RARB: variants seen among roughly 807,000 people sequenced by gnomAD.
RARB encodes the protein HBV-activated protein.
RARB carries 17 observed loss-of-function variants against 51.9 expected under a neutral mutation model. The observed-to-expected ratio is 0.33, with a 90% confidence interval of 0.22 to 0.49. RARB has a LOEUF of 0.49. RARB is among the 20% of genes least tolerant of loss of function. The probability of loss-of-function intolerance (pLI) is 0.99; values close to 1 mark genes in which losing one functional copy is unlikely to be tolerated. For missense variants in RARB, 369 were observed against 550.8 expected (o/e 0.67, Z 3.30); for synonymous variants, 215 against 195.4 (o/e 1.10, Z -0.84).
intron 5 of RARB, among the ~76,000 whole-genome samples, chr3:25,228,603 TA>T (rs1702109348): frequency 6.6e-6 from 1 of 152,134 alleles, no homozygotes; most frequent in African/African-American, 2.4e-5. Context: ...TAGTCCTTTT[TA>T]TTTCCCATTC....
At chr3:25,293,309 G>C (rs1427295178) in intron 5 of RARB, among the ~76,000 whole-genome samples, 1 of 152,054 alleles carries the variant, frequency 6.6e-6, no homozygotes, top group Non-Finnish European at 1.5e-5. Flanking sequence ...ACTCAGTTTT[G>C]TCATTTGTAA....
intron 1 of RARB, among the ~76,000 whole-genome samples, chr3:25,455,966 A>G (rs1387716714): frequency 2.0e-5 from 3 of 152,206 alleles, no homozygotes; most frequent in Non-Finnish European, 4.4e-5. Context: ...GCTGCAGTGT[A>G]GTTGTTTTAT....
At chr3:25,040,987 G>A (rs1027778603) in intron 2 of RARB, among the ~76,000 whole-genome samples, 1 of 152,190 alleles carries the variant, frequency 6.6e-6, no homozygotes. Context: ...CTGTATCAAC[G>A]GAAATCCACC....
intron 5 of RARB, among the ~76,000 whole-genome samples, chr3:25,412,426 T>C (rs1177889914): frequency 6.6e-6 from 1 of 152,178 alleles, no homozygotes; most frequent in Non-Finnish European, 1.5e-5. Context: ...AGTTCTATGG[T>C]GACTCACAGC....
intron 5 of RARB, among the ~76,000 whole-genome samples, chr3:25,330,208 A>G (rs921659213): frequency 5.9e-5 from 9 of 152,120 alleles, no homozygotes; most frequent in Non-Finnish European, 1.2e-4. Flanking sequence ...CAAGACACAT[A>G]ATTGTCAGAT....
At chr3:25,241,656 T>C (rs1292816878) in intron 5 of RARB, among the ~76,000 whole-genome samples, 3 of 152,246 alleles carry the variant, frequency 2.0e-5, no homozygotes, top group Non-Finnish European at 2.9e-5. Flanking sequence ...CATTCTTTTT[T>C]ATGGCTGTAT....
intron 5 of RARB, among the ~76,000 whole-genome samples, chr3:25,255,909 T>C (rs1025670456): frequency 3.3e-5 from 5 of 152,176 alleles, no homozygotes; most frequent in Non-Finnish European, 7.4e-5. Context: ...TGAAATGCTT[T>C]AATAATGTTT....
At chr3:25,093,489 T>C (rs1699237921) in intron 3 of RARB, among the ~76,000 whole-genome samples, 1 of 40,392 alleles carries the variant, frequency 2.5e-5, no homozygotes, top group South Asian at 3.9e-4. Context: ...TACATAATAA[T>C]AGCCCTTCCC....
chr3:25,331,815 A>G (rs1278865373), intron 5 of RARB, among the ~76,000 whole-genome samples: 1 of 152,232 alleles, frequency 6.6e-6, no homozygotes, highest in African/African-American at 2.4e-5. Flanking sequence ...AGAATCAAAT[A>G]GACACAATAA....
chr3:25,172,131 C>T (rs1271909263), intron 4 of RARB, among the ~76,000 whole-genome samples: 4 of 152,164 alleles, frequency 2.6e-5, no homozygotes, highest in Admixed American at 6.5e-5. Context: ...TATGGTCTCA[C>T]TGTTGACACT....
intron 3 of RARB, among the ~76,000 whole-genome samples, chr3:25,504,431 AGCAGGGCATTGCTTTGG>A (rs1017347180): frequency 2.6e-5 from 4 of 152,162 alleles, no homozygotes; most frequent in African/African-American, 9.7e-5. Flanking sequence ...CATTGCTTTG[AGCAGGGCATTGCTTTGG>A]GCAGGGGATA....
At chr3:25,227,673 T>C (rs1299739049) in intron 5 of RARB, among the ~76,000 whole-genome samples, 1 of 152,182 alleles carries the variant, frequency 6.6e-6, no homozygotes, top group African/African-American at 2.4e-5. Context: ...TATGAATGTT[T>C]ATGGCATTTA....
chr3:25,151,666 C>G (rs1351140226), intron 4 of RARB, among the ~76,000 whole-genome samples: 1 of 152,220 alleles, frequency 6.6e-6, no homozygotes. Flanking sequence ...ATGTGCCAGT[C>G]TGTTTCCTGT....
chr3:25,483,448 T>C (rs1431051061), intron 2 of RARB, among the ~76,000 whole-genome samples: 2 of 152,108 alleles, frequency 1.3e-5, no homozygotes, highest in African/African-American at 4.8e-5. Context: ...GTGATTCCAT[T>C]TGAGTGACTT....
intron 2 of RARB, among the ~76,000 whole-genome samples, chr3:25,495,686 G>T (rs375949947): frequency 1.3e-5 from 2 of 152,156 alleles, no homozygotes; most frequent in African/African-American, 4.8e-5. Flanking sequence ...AAAAATCCAC[G>T]GTTAGAAAAT....
rs61214774 is a variant in RARB at position 25,561,154 on chromosome 3, C to T, written c.449-8604C>T. Reference sequence around the variant, plus strand: ...TTTATCCCAGGGTCCTTCCATTTGTCCATTGTTTCTTTCATATTATTTAAG... The same window carrying T: ...TTTATCCCAGGGTCCTTCCATTTGTTCATTGTTTCTTTCATATTATTTAAG... On this transcript the variant is annotated intron_variant, in intron 3 of 7. Coordinates refer to ENST00000330688, the MANE Select transcript of RARB (RefSeq NM_000965.5). Among the ~76,000 whole-genome samples the T allele has an allele frequency of 8.7e-4, 132 of 152,176 alleles. 2 individuals are homozygous for T. The highest frequency in any genetic ancestry group is 2.7e-3 in the African/African-American group (114 of 41,506).
intron 3 of RARB, among the ~76,000 whole-genome samples, chr3:25,544,464 C>T (rs1400951444): frequency 2.0e-5 from 3 of 152,198 alleles, no homozygotes; most frequent in Admixed American, 2.0e-4. Context: ...CCTAGTTTAG[C>T]AGCTATCTTC....
At chr3:25,429,001 T>C (rs1708094304) in intron 1 of RARB, 113 bp downstream of exon 1, 2 of 1,300,798 alleles carry the variant, frequency 1.5e-6, no homozygotes, top group African/African-American at 3.0e-5. Context: ...GATTTAATGA[T>C]TTAATGCTGA....
At chr3:25,025,651 T>C (rs1182290104) in intron 2 of RARB, among the ~76,000 whole-genome samples, 1 of 152,150 alleles carries the variant, frequency 6.6e-6, no homozygotes, top group South Asian at 2.1e-4. Flanking sequence ...GAGAGTATGT[T>C]CCATTTAGAG....
Sources: gnomAD v4.1 joint callset for allele counts (sites outside exome capture counted in the v4.1 genomes callset) on GRCh38, gnomAD v4.1.1 for gene constraint, MANE v1.5 for transcripts, NCBI Gene and HGNC (gene_info 2026-07-23, HGNC 2026-07-21) for gene names.